LYRM4: variants seen among roughly 807,000 people sequenced by gnomAD.
LYRM4 encodes the protein LYR motif-containing protein 4.
A neutral mutation model predicts 11.7 loss-of-function variants in LYRM4; 9 were observed. The observed-to-expected ratio is 0.77, with a 90% confidence interval of 0.46 to 1.34. LYRM4 has a LOEUF of 1.34. Among genes scored for constraint, LYRM4 ranks in the 40% most tolerant of loss-of-function variants. The probability of loss-of-function intolerance (pLI) is 0.00; values close to 1 mark genes in which losing one functional copy is unlikely to be tolerated. For missense variants in LYRM4, 133 were observed against 112.5 expected (o/e 1.18, Z -0.82); for synonymous variants, 42 against 40.4 (o/e 1.04, Z -0.15).
chr6:5,060,444 G>T, the LYRM4 span, among the ~76,000 whole-genome samples: 1 of 151,862 alleles, frequency 6.6e-6, no homozygotes, highest in African/African-American at 2.4e-5. Flanking sequence ...GTCTTGCCCA[G>T]TGAAGGTTTT....
chr6:5,058,835 T>G, the LYRM4 span, among the ~76,000 whole-genome samples: 1 of 152,264 alleles, frequency 6.6e-6, no homozygotes, highest in African/African-American at 2.4e-5. Flanking sequence ...TTTAATGTTC[T>G]TTATATTCCT....
chr6:5,108,909 T>C lies in LYRM4; in HGVS notation c.*514A>G, dbSNP rs1003175436. ...ATCCCCGTAGCCCTGCCCTACTCCATGCTGCCCCCAGTCTCAAGTGGTGCT... is the reference window on the plus strand; with the variant it reads ...ATCCCCGTAGCCCTGCCCTACTCCACGCTGCCCCCAGTCTCAAGTGGTGCT... On this transcript the variant is annotated 3_prime_UTR_variant, in exon 3 of 3. Transcript: ENST00000330636. The C allele has an allele frequency of 2.0e-6, 2 of 994,082 alleles. No homozygotes were observed. The highest frequency in any genetic ancestry group is 5.2e-4 in the Middle Eastern group (1 of 1,938). The allele number at this position is 994,082 out of a possible 1,614,324, so 61.6% of individuals were successfully genotyped here.
chr6:5,178,692 CTA>C (rs1473067329), intron 2 of LYRM4, among the ~76,000 whole-genome samples: 3 of 149,580 alleles, frequency 2.0e-5, no homozygotes, highest in African/African-American at 7.4e-5. Flanking sequence ...GTAATCCCAG[CTA>C]CTCCAGAGGC....
chr6:5,195,322 A>T (rs1235811489), intron 2 of LYRM4, among the ~76,000 whole-genome samples: 1 of 152,108 alleles, frequency 6.6e-6, no homozygotes, highest in Non-Finnish European at 1.5e-5. Flanking sequence ...AAAACCCCAC[A>T]GTATCAGGCC....
intron 1 of LYRM4, among the ~76,000 whole-genome samples, chr6:5,251,026 C>G (rs1044162337): frequency 5.3e-5 from 8 of 152,238 alleles, no homozygotes; most frequent in Non-Finnish European, 1.0e-4. Context: ...TGTTCGGGCA[C>G]TATTTCAATT....
chr6:5,252,992 G>A (rs1192791086), intron 1 of LYRM4, among the ~76,000 whole-genome samples: 2 of 152,176 alleles, frequency 1.3e-5, no homozygotes, highest in Non-Finnish European at 2.9e-5. Context: ...CTAATTTTAA[G>A]GTGGCACTTA....
At chr6:5,169,586 G>A (rs536308173) in intron 2 of LYRM4, among the ~76,000 whole-genome samples, 5 of 152,238 alleles carry the variant, frequency 3.3e-5, no homozygotes, top group African/African-American at 9.6e-5. Flanking sequence ...ATGAGAATGA[G>A]AGTAGACAGT....
intron 2 of LYRM4, among the ~76,000 whole-genome samples, chr6:5,179,065 C>CAAAA (rs58749743): frequency 1.0e-3 from 106 of 103,680 alleles, no homozygotes; most frequent in East Asian, 1.5e-3. Context: ...ACCAAAAAAA[C>CAAAA]AAAAAAAAAA....
At chr6:5,051,272 TG>T in the LYRM4 span, among the ~76,000 whole-genome samples, 1 of 152,132 alleles carries the variant, frequency 6.6e-6, no homozygotes, top group Non-Finnish European at 1.5e-5. Flanking sequence ...GAATAAATAG[TG>T]GTTAAAAACT....
intron 2 of LYRM4, among the ~76,000 whole-genome samples, chr6:5,163,864 C>T (rs533902005): frequency 6.6e-6 from 1 of 152,200 alleles, no homozygotes; most frequent in South Asian, 2.1e-4. Flanking sequence ...TCCTCGGCCT[C>T]CCAAAGTGCC....
intron 1 of LYRM4, among the ~76,000 whole-genome samples, chr6:5,259,804 A>G (rs1304808889): frequency 6.6e-6 from 1 of 152,096 alleles, no homozygotes; most frequent in Non-Finnish European, 1.5e-5. Flanking sequence ...TAGTAAAAAC[A>G]AAACAAAACA....
chr6:5,166,165 T>C (rs1759075951), intron 2 of LYRM4, among the ~76,000 whole-genome samples: 1 of 152,214 alleles, frequency 6.6e-6, no homozygotes, highest in Non-Finnish European at 1.5e-5. Context: ...GCTTTGGTAA[T>C]GCATTAAAAA....
At chr6:5,169,336 A>C (rs1474987337) in intron 2 of LYRM4, among the ~76,000 whole-genome samples, 2 of 152,226 alleles carry the variant, frequency 1.3e-5, no homozygotes, top group Non-Finnish European at 2.9e-5. Context: ...GAATAAGAAC[A>C]AAAGGAAGGA....
At chr6:5,195,497 G>C (rs1487698866) in intron 2 of LYRM4, among the ~76,000 whole-genome samples, 1 of 152,076 alleles carries the variant, frequency 6.6e-6, no homozygotes, top group Admixed American at 6.5e-5. Context: ...AGCTTGCCAT[G>C]GTGGCATGCG....
At chr6:5,040,730 T>C in the LYRM4 span, among the ~76,000 whole-genome samples, 1 of 152,192 alleles carries the variant, frequency 6.6e-6, no homozygotes, top group African/African-American at 2.4e-5. Flanking sequence ...TTATACATTA[T>C]ATGAATGTAC....
At chr6:5,085,055 G>C in the LYRM4 span, 1 of 183,422 alleles carries the variant, frequency 5.5e-6, no homozygotes, top group South Asian at 1.5e-4. Flanking sequence ...CCCACTTCGA[G>C]GCACTCAAGA....
At chr6:5,100,053 G>C (rs763450568), downstream of LYRM4, among the ~76,000 whole-genome samples, 4 of 152,196 alleles carry the variant, frequency 2.6e-5, no homozygotes, top group Non-Finnish European at 4.4e-5. Flanking sequence ...TCTTGGACCT[G>C]TCGTGGCTCT....
chr6:5,259,681 C>A (rs976961051), intron 1 of LYRM4, among the ~76,000 whole-genome samples: 3 of 152,182 alleles, frequency 2.0e-5, no homozygotes, highest in African/African-American at 7.2e-5. Context: ...TTATGACATC[C>A]AATCCACAGT....
chr6:5,198,105 G>A (rs796935662), intron 2 of LYRM4, among the ~76,000 whole-genome samples: 5 of 152,296 alleles, frequency 3.3e-5, no homozygotes, highest in East Asian at 1.9e-4. Context: ...GGCTGAGGCA[G>A]GAGAATCGCT....
Sources: gnomAD v4.1 joint callset for allele counts (sites outside exome capture counted in the v4.1 genomes callset) on GRCh38, gnomAD v4.1.1 for gene constraint, MANE v1.5 for transcripts, NCBI Gene and HGNC (gene_info 2026-07-23, HGNC 2026-07-21) for gene names.